Variants in AUTS2 observed in about 807,000 individuals in gnomAD.
AUTS2 encodes activator of transcription and developmental regulator AUTS2, also known as autism susceptibility gene 2 protein.
In AUTS2, 17 loss-of-function variants were observed where a neutral mutation model predicts 112.4. The ratio of observed to expected loss-of-function variants is 0.15; its 90% CI spans 0.10 to 0.23. The LOEUF (loss-of-function observed/expected upper bound fraction) is 0.23, where lower values mean the gene tolerates loss of function less well. AUTS2 is among the 10% of genes least tolerant of loss of function. The probability of loss-of-function intolerance (pLI) is 1.00; values close to 1 mark genes in which losing one functional copy is unlikely to be tolerated. For synonymous variants in AUTS2, 751 were observed against 702.7 expected (o/e 1.07, Z -1.09); for missense variants, 1,510 against 1,701.6 (o/e 0.89, Z 1.98).
chr7:69,938,965 G>A (rs769287658), intron 2 of AUTS2, among the ~76,000 whole-genome samples: 1 of 152,140 alleles, frequency 6.6e-6, no homozygotes, highest in Non-Finnish European at 1.5e-5. Flanking sequence ...AAGCTTTATG[G>A]GAACTGCTGA....
At chr7:70,250,879 A>G (rs1181836831) in intron 4 of AUTS2, among the ~76,000 whole-genome samples, 3 of 152,074 alleles carry the variant, frequency 2.0e-5, no homozygotes, top group Admixed American at 2.0e-4. Context: ...GGAGGGTGGT[A>G]GGAGGGAGAG....
intron 5 of AUTS2, among the ~76,000 whole-genome samples, chr7:70,472,188 G>A (rs772395266): frequency 6.6e-6 from 1 of 152,152 alleles, no homozygotes; most frequent in Non-Finnish European, 1.5e-5. Context: ...CTTTGGCGTA[G>A]CTTTTACATA....
At chr7:69,772,765 T>A (rs1352753489) in intron 1 of AUTS2, among the ~76,000 whole-genome samples, 1 of 152,180 alleles carries the variant, frequency 6.6e-6, no homozygotes, top group Non-Finnish European at 1.5e-5. Context: ...GAAATAACTT[T>A]GAAAGTATAG....
At chr7:70,652,382 T>C (rs1806552587) in intron 5 of AUTS2, among the ~76,000 whole-genome samples, 1 of 152,138 alleles carries the variant, frequency 6.6e-6, no homozygotes, top group South Asian at 2.1e-4. Context: ...TTTATGCCAT[T>C]TAAAGTGTAA....
chr7:70,537,540 G>A (rs566455553), intron 5 of AUTS2, among the ~76,000 whole-genome samples: 131 of 152,316 alleles, frequency 8.6e-4, no homozygotes, highest in African/African-American at 3.0e-3. Flanking sequence ...CCAGCAAGCA[G>A]CTCTCTCCAT....
intron 1 of AUTS2, among the ~76,000 whole-genome samples, chr7:69,711,061 T>C (rs1798301945): frequency 6.6e-6 from 1 of 152,172 alleles, no homozygotes; most frequent in East Asian, 1.9e-4. Flanking sequence ...AACGGTATGG[T>C]GGCTGAGACC....
At chr7:70,457,600 C>T (rs1585168215) in intron 5 of AUTS2, among the ~76,000 whole-genome samples, 2 of 152,094 alleles carry the variant, frequency 1.3e-5, no homozygotes, top group African/African-American at 2.4e-5. Flanking sequence ...GGAAAGGTGC[C>T]TTGATATGTA....
At chr7:69,870,422 A>G (rs908597555) in intron 1 of AUTS2, among the ~76,000 whole-genome samples, 5 of 94,268 alleles carry the variant, frequency 5.3e-5, no homozygotes, top group African/African-American at 2.0e-4. Flanking sequence ...TGTCATATAT[A>G]TACATATCTG....
chr7:69,637,842 A>G (rs1205296235), intron 1 of AUTS2, among the ~76,000 whole-genome samples: 6 of 152,178 alleles, frequency 3.9e-5, no homozygotes, highest in Non-Finnish European at 5.9e-5. Flanking sequence ...TATGTGGTCT[A>G]TCATTGACTG....
At chr7:69,685,284 T>C (rs569063014) in intron 1 of AUTS2, among the ~76,000 whole-genome samples, 3 of 152,324 alleles carry the variant, frequency 2.0e-5, no homozygotes, top group African/African-American at 7.2e-5. Context: ...TTTTTCTCTA[T>C]CTAAAGCCTG....
chr7:70,041,872 A>T (rs1275045116), intron 2 of AUTS2, among the ~76,000 whole-genome samples: 2 of 152,032 alleles, frequency 1.3e-5, no homozygotes, highest in African/African-American at 4.8e-5. Flanking sequence ...TTTTTTTGCT[A>T]GTTTTATTTT....
chr7:69,902,604 G>A (rs1223972176), intron 2 of AUTS2, among the ~76,000 whole-genome samples: 1 of 152,316 alleles, frequency 6.6e-6, no homozygotes, highest in Non-Finnish European at 1.5e-5. Flanking sequence ...GTAATTATGG[G>A]AAGATGTTAC....
At chr7:70,467,734 G>A (rs1446575495) in intron 5 of AUTS2, among the ~76,000 whole-genome samples, 1 of 152,196 alleles carries the variant, frequency 6.6e-6, no homozygotes, top group Non-Finnish European at 1.5e-5. Context: ...TACTAAGCAG[G>A]TGAGCAGCAC....
chr7:69,755,923 G>C (rs917009449), intron 1 of AUTS2, among the ~76,000 whole-genome samples: 2 of 152,148 alleles, frequency 1.3e-5, no homozygotes, highest in African/African-American at 4.8e-5. Flanking sequence ...TGATTTTATA[G>C]TTTGCTAATG....
At chr7:70,070,489 G>C (rs1802707927) in intron 2 of AUTS2, among the ~76,000 whole-genome samples, 1 of 151,994 alleles carries the variant, frequency 6.6e-6, no homozygotes, top group Non-Finnish European at 1.5e-5. Flanking sequence ...TGAGGCAGGA[G>C]AATCGCTTGA....
chr7:69,764,516 A>T (rs1182509054), intron 1 of AUTS2, among the ~76,000 whole-genome samples: 2 of 152,050 alleles, frequency 1.3e-5, no homozygotes, highest in Non-Finnish European at 2.9e-5. Flanking sequence ...CAACTGGGAT[A>T]AGGACATTTT....
At chr7:70,607,687 C>T (rs1013570611) in intron 5 of AUTS2, among the ~76,000 whole-genome samples, 2 of 152,146 alleles carry the variant, frequency 1.3e-5, no homozygotes, top group Non-Finnish European at 2.9e-5. Context: ...ATGAATTTGG[C>T]ACATGTTCAT....
chr7:69,657,348 A>G (rs1403293364), intron 1 of AUTS2, among the ~76,000 whole-genome samples: 2 of 152,214 alleles, frequency 1.3e-5, no homozygotes, highest in Non-Finnish European at 2.9e-5. Flanking sequence ...CTGATATTCC[A>G]TTGACCTTTC....
rs559948419 is a variant in AUTS2, at chr7:70,759,828, T to TG, written c.743-3041dup. ...GCTAGATATCTGTAGTACTTCCTTA[T>TG]GTGTCTCTGATGTGCCTCCTTACCA... On this transcript the variant is annotated intron_variant, in intron 6 of 18. Coordinates refer to ENST00000342771, the MANE Select transcript of AUTS2 (RefSeq NM_015570.4). Among the ~76,000 whole-genome samples the TG allele has an allele frequency of 4.9e-4, 75 of 152,314 alleles. No homozygotes were observed. In the East Asian group the frequency reaches 0.014, roughly 28 times the overall value.
Sources: gnomAD v4.1 joint callset for allele counts (sites outside exome capture counted in the v4.1 genomes callset) on GRCh38, gnomAD v4.1.1 for gene constraint, MANE v1.5 for transcripts, NCBI Gene and HGNC (gene_info 2026-07-23, HGNC 2026-07-21) for gene names.